Variants in HSPH1 observed in about 807,000 individuals in gnomAD.
HSPH1 encodes heat shock protein 105 kDa.
A neutral mutation model predicts 100.0 loss-of-function variants in HSPH1; 40 were observed. The observed-to-expected ratio is 0.40, with a 90% confidence interval of 0.31 to 0.52. The LOEUF (loss-of-function observed/expected upper bound fraction) is 0.52, where lower values mean the gene tolerates loss of function less well. Among genes scored for constraint, HSPH1 ranks in the 20% least tolerant of loss-of-function variants. The pLI is 0.54. For missense variants in HSPH1, 876 were observed against 1,015.1 expected (o/e 0.86, Z 1.86); for synonymous variants, 403 against 344.0 (o/e 1.17, Z -1.90).
chr13:31,143,028 C>T (rs1364820512), intron 12 of HSPH1, among the ~76,000 whole-genome samples: 1 of 151,876 alleles, frequency 6.6e-6, no homozygotes, highest in African/African-American at 2.4e-5. Context: ...CTATCCTGAC[C>T]CAATGAAAGA....
chr13:31,148,478 A>G lies in HSPH1; in HGVS notation c.1140T>C (p.Cys380=), dbSNP rs772620607. 4 of 1,395,456 alleles carry G rather than the reference A, an allele frequency of 2.9e-6. No homozygotes were observed. In the African/African-American group the frequency reaches 4.7e-5, roughly 17 times the overall value. 86.4% of individuals were successfully genotyped at this position (1,395,456 alleles called of 1,614,324 possible). A position where few individuals can be genotyped will look rare whatever the true frequency, so the allele number is the denominator to read the frequency against. The change falls in exon 9 of 18, where the codon TGT becomes TGC. Residue 380 remains cysteine (C), a splice_region_variant and synonymous_variant. Coordinates refer to ENST00000320027, the MANE Select transcript of HSPH1 (RefSeq NM_006644.4). The part of the protein sequence containing the change: ...EAVARGCALQ[C]AILSPAFKVR... ...CTTTAAATGCCGGGGAAAGTATTGC[A>G]CACTTAAAAAAAAAAAAAAAAATCA...
chr13:31,145,036 A>ACTAG (rs1956220590), intron 11 of HSPH1, among the ~76,000 whole-genome samples: 2 of 152,270 alleles, frequency 1.3e-5, no homozygotes, highest in South Asian at 4.2e-4. Context: ...ACCACACAGA[A>ACTAG]CTAGCACTCA....
intron 4 of HSPH1, among the ~76,000 whole-genome samples, chr13:31,153,273 C>G (rs908303401): frequency 6.6e-6 from 1 of 152,092 alleles, no homozygotes; most frequent in Non-Finnish European, 1.5e-5. Context: ...TAAAGCAGAT[C>G]AAATCTGCTT....
intron 15 of HSPH1, 36 bp from the exon 16 acceptor site, chr13:31,138,936 A>G (rs1955984629): frequency 1.3e-6 from 2 of 1,573,426 alleles, no homozygotes; most frequent in African/African-American, 2.7e-5. Flanking sequence ...AGTTATCATA[A>G]TTTTATTTTA....
At chr13:31,148,220 G>C (rs749155108) in intron 9 of HSPH1, 128 bp from the exon 10 acceptor site, 235 of 1,120,636 alleles carry the variant, frequency 2.1e-4, no homozygotes, top group Non-Finnish European at 2.9e-4. Context: ...ATACCAAAAT[G>C]AGAGAAATAT....
At chr13:31,148,818 T>C (rs1360520097) in intron 8 of HSPH1, among the ~76,000 whole-genome samples, 2 of 152,060 alleles carry the variant, frequency 1.3e-5, no homozygotes, top group African/African-American at 2.4e-5. Context: ...ATATGTATAA[T>C]ACATACATAC....
intron 2 of HSPH1, among the ~76,000 whole-genome samples, chr13:31,157,525 G>C (rs1467414434): frequency 1.3e-5 from 2 of 152,184 alleles, no homozygotes; most frequent in Non-Finnish European, 2.9e-5. Flanking sequence ...AGCATTTTAA[G>C]AGATGTTTTT....
intron 3 of HSPH1, 81 bp downstream of exon 3, chr13:31,155,433 A>G: frequency 8.5e-7 from 1 of 1,172,160 alleles, no homozygotes; most frequent in Non-Finnish European, 1.2e-6. Context: ...TAATTAAGAA[A>G]TTTAAGTAAT....
intron 3 of HSPH1, among the ~76,000 whole-genome samples, 185 bp from the exon 4 acceptor site, chr13:31,154,940 G>A (rs1413312418): frequency 6.6e-6 from 1 of 151,752 alleles, no homozygotes; most frequent in East Asian, 1.9e-4. Flanking sequence ...GGAGAGAAAG[G>A]AAAAGAGAAA....
chr13:31,142,300 T>G (rs1269002418), intron 12 of HSPH1, among the ~76,000 whole-genome samples: 1 of 152,104 alleles, frequency 6.6e-6, no homozygotes, highest in African/African-American at 2.4e-5. Context: ...GAGATGGAAT[T>G]AGATCCCACG....
chr13:31,153,440 G>GTGCT lies in HSPH1; in HGVS notation c.430-493_430-490dup, dbSNP rs1168797122. Among the ~76,000 whole-genome samples the GTGCT allele has an allele frequency of 4.6e-5, 7 of 152,122 alleles. 1 individual carries two copies. Among genetic ancestry groups the GTGCT allele is most frequent in the Admixed American group, 2.0e-4 (3 of 15,264 alleles). Reference sequence around the variant, plus strand: ...CCTTTCAGTTCTGCTATTCACTGAGGTGCTCTTTAATTCAGTCAACCTGTT... The same window carrying GTGCT: ...CCTTTCAGTTCTGCTATTCACTGAGGTGCTTGCTCTTTAATTCAGTCAACCTGTT... On this transcript the variant is annotated intron_variant, in intron 4 of 17. Coordinates refer to ENST00000320027, the MANE Select transcript of HSPH1 (RefSeq NM_006644.4).
At chr13:31,162,196 A>G, upstream of HSPH1, 1 of 1,033,310 alleles carries the variant, frequency 9.7e-7, no homozygotes, top group Non-Finnish European at 1.4e-6. Flanking sequence ...CAGGCAACGA[A>G]GAATGACTCC....
intron 4 of HSPH1, 51 bp from the exon 5 acceptor site, chr13:31,153,002 G>C (rs766498736): frequency 1.6e-6 from 2 of 1,233,694 alleles, no homozygotes; most frequent in Non-Finnish European, 2.4e-6. Flanking sequence ...AATATACTTA[G>C]AAATTCCTCA....
Position 31,148,388 on chromosome 13 carries a change from T to C in HSPH1, c.1230A>G (p.Ser410=), listed in dbSNP as rs754011937. 1.3e-6 allele frequency: 2 copies of C among 1,563,216 alleles called. No individual in the cohort carries two copies. Among genetic ancestry groups the C allele is most frequent in the East Asian group, 2.3e-5 (1 of 44,126 alleles). The change falls in exon 9 of 18, where the codon TCA becomes TCG. Residue 410 remains serine, a synonymous_variant. Transcript: ENST00000320027. ...FPISLIWNHD[S]EDTEGVHEVF... ...CTGCTACATACCCTTCAGTATCTTC[T>C]GAATCATGGTTCCAGATCAGAGATA... is the stretch of plus-strand genomic sequence containing the variant.
In HSPH1 at chr13:31,138,476, A is replaced by T. The variant is rs1456396492; in HGVS notation, c.2301T>A (p.Asn767Lys). ...GATCAAGACTCTTTTTAGCCTGAGC[A>T]TTCATGACATTATTCATCCATTCCA... Reference protein sequence around the residue: ...EVMEWMNNVMNAQAKKSLDQD... With the variant: ...EVMEWMNNVMKAQAKKSLDQD... Residue 767 changes from asparagine (N) to lysine (K), a missense_variant, in exon 17 of 18, where the codon AAT becomes AAA. Physicochemically the swap from Asn to Lys is moderately conservative, Grantham distance 94 (BLOSUM62 0). Transcript: ENST00000320027. 1.2e-6 allele frequency: 2 copies of T among 1,613,198 alleles called. No homozygotes were observed. Among genetic ancestry groups the T allele is most frequent in the Non-Finnish European group, 1.7e-6 (2 of 1,179,426 alleles).
chr13:31,152,972 TTG>T, intron 4 of HSPH1, 21 bp from the exon 5 acceptor site: 1 of 1,507,344 alleles, frequency 6.6e-7, no homozygotes, highest in African/African-American at 1.4e-5. Flanking sequence ...ACAAAAAATT[TTG>T]AATTATCTAG....
At chr13:31,156,379 G>C (rs1442789623) in intron 2 of HSPH1, among the ~76,000 whole-genome samples, 1 of 149,548 alleles carries the variant, frequency 6.7e-6, no homozygotes, top group Non-Finnish European at 1.5e-5. Flanking sequence ...GACAGAGCGA[G>C]ATTCCGTCTC....
intron 12 of HSPH1, among the ~76,000 whole-genome samples, chr13:31,141,958 A>G (rs905040537): frequency 2.0e-5 from 3 of 152,086 alleles, no homozygotes; most frequent in African/African-American, 7.2e-5. Context: ...GTTTTTCAAA[A>G]TATGTAAATA....
chr13:31,159,328 A>G (rs1956813263), intron 1 of HSPH1, among the ~76,000 whole-genome samples: 1 of 152,236 alleles, frequency 6.6e-6, no homozygotes, highest in African/African-American at 2.4e-5. Flanking sequence ...TGCAAACGCA[A>G]GCAAATGAAC....
Sources: gnomAD v4.1 joint callset for allele counts (sites outside exome capture counted in the v4.1 genomes callset) on GRCh38, gnomAD v4.1.1 for gene constraint, MANE v1.5 for transcripts, NCBI Gene and HGNC (gene_info 2026-07-23, HGNC 2026-07-21) for gene names.